Variants in ATXN8OS observed in about 807,000 individuals in gnomAD.
ATXN8OS encodes the protein ATXN8 opposite strand lncRNA.
chr13:70,107,575 C>T (rs1016616139), upstream of ATXN8OS: 6 of 1,605,662 alleles, frequency 3.7e-6, no homozygotes, highest in South Asian at 5.6e-5. Flanking sequence ...GCTGCCACTG[C>T]CGTCCTGTTG....
At chr13:70,128,988 G>A (rs1171307448) in intron 2 of ATXN8OS, among the ~76,000 whole-genome samples, 2 of 151,866 alleles carry the variant, frequency 1.3e-5, no homozygotes, top group Non-Finnish European at 1.5e-5. Context: ...AGCCTCCCAA[G>A]TAGCTGGGAT....
intron 4 of ATXN8OS, among the ~76,000 whole-genome samples, chr13:70,161,137 T>G (rs879490681): frequency 1.3e-5 from 2 of 151,864 alleles, no homozygotes; most frequent in Non-Finnish European, 2.9e-5. Context: ...AGATTTAAAT[T>G]TTTTTAATGA....
At chr13:70,149,559 G>A (rs1231637042) in intron 4 of ATXN8OS, among the ~76,000 whole-genome samples, 1 of 152,096 alleles carries the variant, frequency 6.6e-6, no homozygotes, top group Non-Finnish European at 1.5e-5. Flanking sequence ...TACGAAAATA[G>A]CTATAAAAAT....
chr13:70,151,088 A>T (rs302032), intron 4 of ATXN8OS, among the ~76,000 whole-genome samples: 149,611 of 152,208 alleles, frequency 0.98, 73,575 homozygotes, highest in East Asian at 1. Flanking sequence ...AGGTAATAAA[A>T]ATATCTATCA....
At chr13:70,115,239 GAGAGAAC>G (rs1369555141) in exon 2 of ATXN8OS, 8 of 398,376 alleles carry the variant, frequency 2.0e-5, no homozygotes, top group Admixed American at 4.4e-5. Flanking sequence ...AAGGGCAAGA[GAGAGAAC>G]AAAGTCTGTG....
chr13:70,171,448 T>A (rs1024017564), exon 5 of ATXN8OS, among the ~76,000 whole-genome samples: 3 of 152,134 alleles, frequency 2.0e-5, no homozygotes, highest in Non-Finnish European at 4.4e-5. Context: ...TGAATGGATG[T>A]GATGGCCTAG....
intron 4 of ATXN8OS, among the ~76,000 whole-genome samples, chr13:70,150,330 G>A (rs1258692613): frequency 2.0e-5 from 3 of 152,064 alleles, no homozygotes; most frequent in African/African-American, 7.2e-5. Flanking sequence ...AGGAAGTATG[G>A]TCAAGTTTGT....
At chr13:70,124,665 TTTTG>T (rs1370314239) in intron 2 of ATXN8OS, among the ~76,000 whole-genome samples, 1 of 152,072 alleles carries the variant, frequency 6.6e-6, no homozygotes, top group Non-Finnish European at 1.5e-5. Flanking sequence ...TCCCCTTGTT[TTTTG>T]TTTGTTTGGT....
At chr13:70,111,882 A>AT (rs1057085215) in intron 1 of ATXN8OS, among the ~76,000 whole-genome samples, 2 of 152,152 alleles carry the variant, frequency 1.3e-5, no homozygotes, top group Non-Finnish European at 2.9e-5. Context: ...GGCTCCTGTG[A>AT]TTTTGTCTTT....
chr13:70,128,469 A>G (rs896335055), intron 2 of ATXN8OS, among the ~76,000 whole-genome samples: 1 of 152,124 alleles, frequency 6.6e-6, no homozygotes, highest in Non-Finnish European at 1.5e-5. Context: ...GGGGAGGGCA[A>G]ATGGTCTTGA....
rs1169905812 is a variant in ATXN8OS at position 70,124,869 on chromosome 13, G to T, written n.399-4915G>T. 6.6e-5 allele frequency among the ~76,000 whole-genome samples: 10 copies of T among 151,130 alleles called. No homozygotes were observed. The East Asian group carries it at 1.9e-3, about 29-fold the overall frequency. On this transcript the variant is annotated intron_variant and non_coding_transcript_variant, in intron 2 of 4. Coordinates refer to ENST00000678624, the Ensembl canonical transcript of ATXN8OS. ...AATCTTCTATTTAATTACCTTTAAA[G>T]GATTTTTAATTTCTTCTTTATTCTC... is the stretch of plus-strand genomic sequence containing the variant.
chr13:70,170,788 A>G (rs1331886987), exon 5 of ATXN8OS, among the ~76,000 whole-genome samples: 1 of 152,106 alleles, frequency 6.6e-6, no homozygotes, highest in Admixed American at 6.6e-5. Flanking sequence ...TGATTGTGTC[A>G]GTGTGGGAAC....
chr13:70,130,053 A>G (rs1367100043), intron 3 of ATXN8OS, among the ~76,000 whole-genome samples: 2 of 152,044 alleles, frequency 1.3e-5, no homozygotes, highest in African/African-American at 4.8e-5. Flanking sequence ...AAATAAGTTA[A>G]GTGCATGGAC....
intron 4 of ATXN8OS, among the ~76,000 whole-genome samples, chr13:70,164,900 C>T (rs139059832): frequency 6.6e-6 from 1 of 151,676 alleles, no homozygotes; most frequent in Admixed American, 6.6e-5. Flanking sequence ...AAAAATGTTG[C>T]ACAGAAAATA....
chr13:70,158,429 A>G (rs1202365776), intron 4 of ATXN8OS, among the ~76,000 whole-genome samples: 1 of 152,182 alleles, frequency 6.6e-6, no homozygotes, highest in Non-Finnish European at 1.5e-5. Context: ...ACAAACAAGC[A>G]AACAACAGAA....
chr13:70,164,672 A>G (rs1411149035), intron 4 of ATXN8OS, among the ~76,000 whole-genome samples: 2 of 152,014 alleles, frequency 1.3e-5, no homozygotes, highest in Non-Finnish European at 2.9e-5. Context: ...ATTGATATTA[A>G]CCTGCACAAG....
rs533776853 is a variant in ATXN8OS, at chr13:70,169,996, T to G, written n.817T>G. Among the ~76,000 whole-genome samples the G allele has an allele frequency of 3.9e-5, 6 of 152,214 alleles. No homozygotes were observed. In the South Asian group the frequency reaches 6.2e-4, roughly 16 times the overall value. On this transcript the variant is annotated non_coding_transcript_exon_variant, in exon 5 of 5. Transcript: ENST00000678624. ...TTACTGCTACTCTCTGAGGTGTACT[T>G]GGGATTGGCATTTCCTTGTTCTCTT...
chr13:70,139,471 A>G (rs1179604771), intron 3 of ATXN8OS: 3 of 659,190 alleles, frequency 4.6e-6, no homozygotes, highest in Non-Finnish European at 7.9e-6. Context: ...ATTTGATGTT[A>G]TAATTGTTAT....
intron 2 of ATXN8OS, among the ~76,000 whole-genome samples, chr13:70,116,487 GGT>G (rs1888280596): frequency 6.6e-6 from 1 of 152,118 alleles, no homozygotes; most frequent in African/African-American, 2.4e-5. Context: ...GATAAAGTTT[GGT>G]GTATTTAAGG....
Sources: allele counts gnomAD v4.1 joint callset (sites outside exome capture counted in the v4.1 genomes callset), GRCh38; gene constraint gnomAD v4.1.1; transcripts MANE v1.5; gene names NCBI Gene and HGNC (gene_info 2026-07-23, HGNC 2026-07-21).